Variants in LRRTM4 observed in about 807,000 individuals in gnomAD.
The protein encoded by LRRTM4 is leucine rich repeat transmembrane neuronal 4.
In LRRTM4, 25 loss-of-function variants were observed where a neutral mutation model predicts 47.6. That is an observed-to-expected ratio of 0.53 (90% CI 0.38 to 0.73). The LOEUF is 0.73. Among genes scored for constraint, LRRTM4 ranks in the 30% least tolerant of loss-of-function variants. The pLI, the probability that LRRTM4 is intolerant of heterozygous loss-of-function variation, is 0.00. For missense variants in LRRTM4, 638 were observed against 713.4 expected, an observed-to-expected ratio of 0.89 and a Z score of 1.20; for synonymous variants, 311 against 269.5, an observed-to-expected ratio of 1.15 and a Z score of -1.51.
At chr2:76,919,321 A>G (rs1238417243) in intron 3 of LRRTM4, among the ~76,000 whole-genome samples, 2 of 152,198 alleles carry the variant, frequency 1.3e-5, no homozygotes, top group Non-Finnish European at 2.9e-5. Context: ...TAAGTGATCA[A>G]ACTGGTACCT....
At chr2:76,766,405 A>T (rs894372977) in intron 3 of LRRTM4, among the ~76,000 whole-genome samples, 1 of 152,120 alleles carries the variant, frequency 6.6e-6, no homozygotes, top group Non-Finnish European at 1.5e-5. Flanking sequence ...TTGTCTTTCT[A>T]TGTTATCCCA....
intron 3 of LRRTM4, among the ~76,000 whole-genome samples, chr2:77,167,127 C>A (rs1248452800): frequency 6.6e-6 from 1 of 152,092 alleles, no homozygotes; most frequent in Non-Finnish European, 1.5e-5. Flanking sequence ...ACAACCCCAT[C>A]AACAAGTGGG....
At chr2:77,300,396 A>G (rs927599307) in intron 3 of LRRTM4, among the ~76,000 whole-genome samples, 25 of 152,170 alleles carry the variant, frequency 1.6e-4, no homozygotes, top group African/African-American at 6.0e-4. Flanking sequence ...AAAATAACTA[A>G]GAGTTAAGAG....
At chr2:76,785,110 C>G (rs1674603332) in intron 3 of LRRTM4, among the ~76,000 whole-genome samples, 2 of 152,034 alleles carry the variant, frequency 1.3e-5, no homozygotes, top group Admixed American at 1.3e-4. Context: ...AGATATCTTG[C>G]TACACCGATC....
chr2:77,148,044 T>A (rs901380479), intron 3 of LRRTM4, among the ~76,000 whole-genome samples: 1 of 152,210 alleles, frequency 6.6e-6, no homozygotes, highest in Non-Finnish European at 1.5e-5. Context: ...CTAATTTATA[T>A]GATCAAAGCC....
In LRRTM4 at chr2:77,385,336, A is replaced by G. The variant is rs979236732; in HGVS notation, c.1551+132982T>C. ...GCCAACATTAAGTCAACTAACAACT[A>G]CATTAACAATAGGCAAGAGAAAAGA... On this transcript the variant is annotated intron_variant, in intron 3 of 3. Transcript: ENST00000409884. Among the ~76,000 whole-genome samples the G allele has an allele frequency of 1.6e-4, 24 of 152,266 alleles. 3 individuals are homozygous for G. The highest frequency in any genetic ancestry group is 2.2e-4 in the African/African-American group (9 of 41,564).
chr2:77,476,664 A>G (rs547726607), intron 3 of LRRTM4, among the ~76,000 whole-genome samples: 6 of 152,150 alleles, frequency 3.9e-5, no homozygotes, highest in Non-Finnish European at 7.4e-5. Context: ...TTCTAATGAC[A>G]TATTTCATGA....
At chr2:77,113,827 C>CCCCG (rs1671316185) in intron 3 of LRRTM4, among the ~76,000 whole-genome samples, 1 of 152,060 alleles carries the variant, frequency 6.6e-6, no homozygotes, top group Non-Finnish European at 1.5e-5. Flanking sequence ...TGTAGTTTGG[C>CCCCG]CCCGGAGCCA....
At chr2:77,370,616 T>C (rs183047526) in intron 3 of LRRTM4, among the ~76,000 whole-genome samples, 1 of 151,836 alleles carries the variant, frequency 6.6e-6, no homozygotes, top group East Asian at 1.9e-4. Flanking sequence ...TAGCCAAAGA[T>C]GGCAGAATTT....
chr2:76,917,405 T>C (rs185600946), intron 3 of LRRTM4, among the ~76,000 whole-genome samples: 4 of 152,288 alleles, frequency 2.6e-5, no homozygotes, highest in African/African-American at 7.2e-5. Flanking sequence ...AGTATATGTA[T>C]TGTGCATCTC....
intron 3 of LRRTM4, among the ~76,000 whole-genome samples, chr2:77,223,353 G>A (rs906967427): frequency 2.0e-5 from 3 of 152,118 alleles, no homozygotes; most frequent in African/African-American, 7.2e-5. Flanking sequence ...TGGACATTCT[G>A]GCCAGGGCAA....
intron 3 of LRRTM4, among the ~76,000 whole-genome samples, chr2:77,288,337 A>C (rs1676720606): frequency 1.3e-5 from 2 of 151,906 alleles, no homozygotes; most frequent in Non-Finnish European, 2.9e-5. Context: ...ATTGCTGAAA[A>C]ATGATATGAA....
chr2:77,454,616 G>T (rs551145706), intron 3 of LRRTM4, among the ~76,000 whole-genome samples: 1 of 151,990 alleles, frequency 6.6e-6, no homozygotes, highest in Non-Finnish European at 1.5e-5. Context: ...AGCAATGACC[G>T]CTACTGTTCA....
chr2:76,786,099 C>T (rs1013553155), intron 3 of LRRTM4, among the ~76,000 whole-genome samples: 6 of 152,246 alleles, frequency 3.9e-5, no homozygotes, highest in South Asian at 2.1e-4. Context: ...TTTCAACCCT[C>T]ACCTCAACTT....
intron 3 of LRRTM4, among the ~76,000 whole-genome samples, chr2:77,136,381 C>T (rs181837227): frequency 2.1e-4 from 32 of 152,298 alleles, no homozygotes; most frequent in Admixed American, 5.9e-4. Context: ...TGGAGTGGAC[C>T]TCCAGCAAAC....
intron 3 of LRRTM4, among the ~76,000 whole-genome samples, chr2:77,258,903 A>T (rs1391889713): frequency 6.6e-6 from 1 of 152,016 alleles, no homozygotes; most frequent in African/African-American, 2.4e-5. Flanking sequence ...AAATTAAAAC[A>T]AAACAAAAAC....
chr2:77,218,612 G>A (rs1416650334), intron 3 of LRRTM4, among the ~76,000 whole-genome samples: 1 of 151,898 alleles, frequency 6.6e-6, no homozygotes, highest in African/African-American at 2.4e-5. Context: ...TAGTTTCAAA[G>A]TTGAGAAAGA....
At position 77,249,170 on chromosome 2, in the gene LRRTM4, T is replaced by C. The variant is rs1472939044; in HGVS notation, c.1551+269148A>G. 2.0e-5 allele frequency among the ~76,000 whole-genome samples: 3 copies of C among 151,904 alleles called. No individual in the cohort carries two copies. In the East Asian group the frequency reaches 5.8e-4, roughly 30 times the overall value. Reference sequence around the variant, plus strand: ...TTTGAGACCAGCCTGGCCAACATGGTGAAACCCCGTCTCTACTAAAAATAC... The same window carrying C: ...TTTGAGACCAGCCTGGCCAACATGGCGAAACCCCGTCTCTACTAAAAATAC... On this transcript the variant is annotated intron_variant, in intron 3 of 3. Transcript: ENST00000409884.
chr2:76,999,547 GC>G (rs1375372362), intron 3 of LRRTM4, among the ~76,000 whole-genome samples: 3 of 151,996 alleles, frequency 2.0e-5, no homozygotes, highest in African/African-American at 7.2e-5. Context: ...TTGAGCCTAG[GC>G]GGGCCAAAAC....
Sources: allele counts gnomAD v4.1 joint callset (sites outside exome capture counted in the v4.1 genomes callset), GRCh38; gene constraint gnomAD v4.1.1; transcripts MANE v1.5; gene names NCBI Gene and HGNC (gene_info 2026-07-23, HGNC 2026-07-21).